CMTR2: variants seen among roughly 807,000 people sequenced by gnomAD.
The protein encoded by CMTR2 is cap-specific mRNA (nucleoside-2'-O-)-methyltransferase 2.
A neutral mutation model predicts 49.8 loss-of-function variants in CMTR2; 40 were observed. The ratio of observed to expected loss-of-function variants is 0.80; its 90% CI spans 0.62 to 1.04. The LOEUF (loss-of-function observed/expected upper bound fraction) is 1.04. CMTR2 is among the 50% of genes least tolerant of loss of function. The probability of loss-of-function intolerance (pLI) is 0.00; values close to 1 mark genes in which losing one functional copy is unlikely to be tolerated. For missense variants in CMTR2, 907 were observed against 897.2 expected, an observed-to-expected ratio of 1.01 and a Z score of -0.14; for synonymous variants, 326 against 315.8, an observed-to-expected ratio of 1.03 and a Z score of -0.34.
In CMTR2 at chr16:71,284,891, T is replaced by A; in HGVS notation, c.1030A>T (p.Lys344Ter). 1 of 1,614,130 alleles carries A rather than the reference T, an allele frequency of 6.2e-7. No individual in the cohort carries two copies. Among genetic ancestry groups the A allele is most frequent in the Non-Finnish European group, 8.5e-7 (1 of 1,179,978 alleles). The change falls in exon 3 of 3, where the codon AAA (lysine) becomes TAA (stop). Residue 344 changes from lysine (K) to a stop codon, truncating the protein, a stop_gained. Transcript: ENST00000434935. LOFTEE classifies it high-confidence loss of function. ...TLNFGTEMKRKALFPHHVIPD... is the reference protein window; with the variant it reads ...TLNFGTEMKR ...ATCACATGATGGGGAAAAAGGGCTT[T>A]CCTTTTCATTTCAGTCCCAAAATTC...
Position 71,285,452 on chromosome 16 carries a change from A to T in CMTR2, c.469T>A (p.Tyr157Asn). The change falls in exon 3 of 3, where the codon TAC (tyrosine) becomes AAC (asparagine). Residue 157 changes from tyrosine to asparagine, a missense_variant. Coordinates refer to ENST00000434935, the MANE Select transcript of CMTR2 (RefSeq NM_018348.6). ...PGAFIASLNH[Y>N]LKSHRFPCHW... ...CAAGGAAACCGATGGGATTTTAAGT[A>T]GTGGTTGAGACTAGCTATAAAAGCT... 2 of 1,614,142 alleles carry T rather than the reference A, an allele frequency of 1.2e-6. No individual in the cohort carries two copies. The highest frequency in any genetic ancestry group is 1.7e-6 in the Non-Finnish European group (2 of 1,179,996).
In CMTR2 at chr16:71,284,695, T is replaced by A; in HGVS notation, c.1226A>T (p.Gln409Leu). 1.2e-6 allele frequency: 2 copies of A among 1,612,852 alleles called. No individual in the cohort carries two copies. The highest frequency in any genetic ancestry group is 1.7e-6 in the Non-Finnish European group (2 of 1,179,492). Reference sequence around the variant, plus strand: ...ATTATTTCTGGAAAGATGTTTCAGTTGAAATTTTTGCATAAAATATTGTAT... The same window carrying A: ...ATTATTTCTGGAAAGATGTTTCAGTAGAAATTTTTGCATAAAATATTGTAT... ...CAIQYFMQKF[Q>L]LKHLSRNNWL... Residue 409 changes from glutamine to leucine, a missense_variant, in exon 3 of 3, where the codon CAA becomes CTA. Transcript: ENST00000434935.
chr16:71,285,247 C>A lies in CMTR2; in HGVS notation c.674G>T (p.Ser225Ile). 1 of 1,613,972 alleles carries A rather than the reference C, an allele frequency of 6.2e-7. No homozygotes were observed. Among genetic ancestry groups the A allele is most frequent in the Non-Finnish European group, 8.5e-7 (1 of 1,179,832 alleles). Reference protein sequence around the residue: ...FLTGLQNFISSMATVHLVTAD... With the variant: ...FLTGLQNFISIMATVHLVTAD... Reference sequence around the variant, plus strand: ...AGTGACCAAGTGAACAGTAGCCATGCTGCTTATGAAATTCTGAAGTCCAGT... The same window carrying A: ...AGTGACCAAGTGAACAGTAGCCATGATGCTTATGAAATTCTGAAGTCCAGT... Residue 225 changes from serine (S) to isoleucine (I), a missense_variant, in exon 3 of 3, where the codon AGC becomes ATC. Ser to Ile is a moderately radical substitution (Grantham distance 142, BLOSUM62 -2). Coordinates refer to ENST00000434935, the MANE Select transcript of CMTR2 (RefSeq NM_018348.6).
chr16:71,285,857 T>A lies in CMTR2; in HGVS notation c.64A>T (p.Ile22Phe). 1 of 1,613,694 alleles carries A rather than the reference T, an allele frequency of 6.2e-7. No homozygotes were observed. Among genetic ancestry groups the A allele is most frequent in the Non-Finnish European group, 8.5e-7 (1 of 1,179,866 alleles). ...AAGAGTTCAAAAATGTCAGCAAGAATATCTGGGCTGAATGACGCGGGACTT... is the reference window on the plus strand; with the variant it reads ...AAGAGTTCAAAAATGTCAGCAAGAAAATCTGGGCTGAATGACGCGGGACTT... ...LASPASFSPD[I>F]LADIFELFAK... Residue 22 changes from isoleucine to phenylalanine, a missense_variant, in exon 3 of 3, where the codon ATT (isoleucine) becomes TTT (phenylalanine). Physicochemically the swap from Ile to Phe is conservative, Grantham distance 21. Transcript: ENST00000434935.
rs573583165 is a variant in CMTR2 at position 71,287,198 on chromosome 16, A to G, written c.-19-1259T>C. On this transcript the variant is annotated intron_variant, in intron 2 of 2. Coordinates refer to ENST00000434935, the MANE Select transcript of CMTR2 (RefSeq NM_018348.6). The stretch of plus-strand genomic sequence containing the variant: ...GGCAATCAAATCATCACTCCAGAAA[A>G]GCAGATGTTCAAGGACAAAATGAGA... 8 of 152,350 alleles carry G rather than the reference A, an allele frequency of 5.3e-5. No individual in the cohort carries two copies. In the South Asian group the frequency reaches 1.7e-3, roughly 32 times the overall value. 9.4% of individuals were successfully genotyped at this position (152,350 alleles called of 1,614,324 possible). A position where few individuals can be genotyped will look rare whatever the true frequency, so the allele number is the denominator to read the frequency against.
rs372970522 is a variant in CMTR2 at position 71,284,575 on chromosome 16, A to G, written c.1346T>C (p.Met449Thr). 1.2e-6 allele frequency: 2 copies of G among 1,613,844 alleles called. No individual in the cohort carries two copies. The highest frequency in any genetic ancestry group is 2.7e-5 in the African/African-American group (2 of 75,018). Residue 449 changes from methionine to threonine, a missense_variant, in exon 3 of 3, where the codon ATG (methionine) becomes ACG (threonine). Physicochemically the swap from Met to Thr is moderately conservative, Grantham distance 81 (BLOSUM62 -1). Coordinates refer to ENST00000434935, the MANE Select transcript of CMTR2 (RefSeq NM_018348.6). ...KYFKTYNERKMLEALSWKDKV... is the reference protein window; with the variant it reads ...KYFKTYNERKTLEALSWKDKV... Reference sequence around the variant, plus strand: ...ATCTTTCCATGAAAGGGCTTCTAGCATCTTCCTTTCATTATAAGTTTTAAA... The same window carrying G: ...ATCTTTCCATGAAAGGGCTTCTAGCGTCTTCCTTTCATTATAAGTTTTAAA...
At position 71,285,325 on chromosome 16, in the gene CMTR2, C is replaced by A; in HGVS notation, c.596G>T (p.Trp199Leu). 1 of 1,614,056 alleles carries A rather than the reference C, an allele frequency of 6.2e-7. No homozygotes were observed. The highest frequency in any genetic ancestry group is 1.3e-5 in the African/African-American group (1 of 75,014). The change falls in exon 3 of 3, where the codon TGG becomes TTG. Residue 199 changes from tryptophan (W) to leucine (L), a missense_variant. Trp to Leu is a moderately conservative substitution (Grantham distance 61). Transcript: ENST00000434935. ...DDRLIANTLH[W>L]WYFGPDNTGD... ...AGTGTTATCTGGACCAAAGTACCAC[C>A]AGTGCAAGGTATTTGCAATAAGCCG...
chr16:71,283,374 A>C lies in CMTR2; in HGVS notation c.*234T>G. 1 of 536,134 alleles carries C rather than the reference A, an allele frequency of 1.9e-6. No homozygotes were observed. Among genetic ancestry groups the C allele is most frequent in the East Asian group, 3.1e-5 (1 of 31,850 alleles). 33.2% of individuals were successfully genotyped at this position (536,134 alleles called of 1,614,324 possible). A position where few individuals can be genotyped will look rare whatever the true frequency, so the allele number is the denominator to read the frequency against. On this transcript the variant is annotated 3_prime_UTR_variant, in exon 3 of 3. Transcript: ENST00000434935. ...ATACACATACACACACCTCATATTT[A>C]GAGTGTGAATATCTATCATTGCATA...
At chr16:71,286,202 T>TAA (rs35977151) in intron 2 of CMTR2, among the ~76,000 whole-genome samples, 168 of 148,452 alleles carry the variant, frequency 1.1e-3, no homozygotes, top group African/African-American at 2.1e-3. Context: ...TTCTTCTCAT[T>TAA]AAAAAAAAAA....
chr16:71,285,068 T>G lies in CMTR2; in HGVS notation c.853A>C (p.Ile285Leu). 6.2e-7 allele frequency: 1 copy of G among 1,614,112 alleles called. No individual in the cohort carries two copies. Among genetic ancestry groups the G allele is most frequent in the South Asian group, 1.1e-5 (1 of 91,058 alleles). Residue 285 changes from isoleucine to leucine, a missense_variant, in exon 3 of 3, where the codon ATA becomes CTA. Physicochemically the swap from Ile to Leu is conservative, Grantham distance 5 (BLOSUM62 2). Coordinates refer to ENST00000434935, the MANE Select transcript of CMTR2 (RefSeq NM_018348.6). ...CAGTTTAGCAGGTACATCAAGTTTA[T>G]GGAACAATGTTCAAACATAGTAAAC... Reference protein sequence around the residue: ...KMFTMFEHCSINLMYLLNCCF... With the variant: ...KMFTMFEHCSLNLMYLLNCCF...
Position 71,285,735 on chromosome 16 carries a change from T to C in CMTR2, c.186A>G (p.Ala62=), listed in dbSNP as rs747893947. 6.2e-7 allele frequency: 1 copy of C among 1,613,556 alleles called. No individual in the cohort carries two copies. ...IFTCDHTELN[A]FLDLKNSLNE... ...TTAGGGAGTTCTTCAAATCAAGAAA[T>C]GCATTAAGTTCAGTGTGGTCACAGG... Residue 62 remains alanine, a synonymous_variant, in exon 3 of 3, where the codon GCA becomes GCG. Coordinates refer to ENST00000434935, the MANE Select transcript of CMTR2 (RefSeq NM_018348.6).
chr16:71,285,258 A>G lies in CMTR2; in HGVS notation c.663T>C (p.Asn221=), dbSNP rs1213656552. 1.2e-6 allele frequency: 2 copies of G among 1,614,016 alleles called. No individual in the cohort carries two copies. The highest frequency in any genetic ancestry group is 2.7e-5 in the African/African-American group (2 of 74,922). Residue 221 remains asparagine, a synonymous_variant, in exon 3 of 3, where the codon AAT becomes AAC. Coordinates refer to ENST00000434935, the MANE Select transcript of CMTR2 (RefSeq NM_018348.6). ...GAACAGTAGCCATGCTGCTTATGAA[A>G]TTCTGAAGTCCAGTCAAGAATTTCA... ...MTLKFLTGLQ[N]FISSMATVHL...
Position 71,283,754 on chromosome 16 carries a change from G to GT in CMTR2, c.2166dup (p.Gln723ThrfsTer10). ...AGGAGTACCTCCATTGGCACAAACT[G>GT]TAAAACCTGCTGGGGTGAGTCAGAG... On this transcript the variant is annotated frameshift_variant, in exon 3 of 3. Coordinates refer to ENST00000434935, the MANE Select transcript of CMTR2 (RefSeq NM_018348.6). LOFTEE classifies it high-confidence loss of function. 1 of 1,613,954 alleles carries GT rather than the reference G, an allele frequency of 6.2e-7. No individual in the cohort carries two copies. Among genetic ancestry groups the GT allele is most frequent in the Non-Finnish European group, 8.5e-7 (1 of 1,179,880 alleles).
Position 71,285,436 on chromosome 16 carries a change from C to T in CMTR2, c.485G>A (p.Arg162Gln), listed in dbSNP as rs199904028. The T allele has an allele frequency of 1.2e-4, 193 of 1,613,930 alleles. No individual in the cohort carries two copies. The highest frequency in any genetic ancestry group is 6.2e-4 in the East Asian group (28 of 44,892). ...TACCCAACTCCAATGACAAGGAAAC[C>T]GATGGGATTTTAAGTAGTGGTTGAG... ...ASLNHYLKSH[R>Q]FPCHWSWVAN... The change falls in exon 3 of 3, where the codon CGG becomes CAG. Residue 162 changes from arginine to glutamine, a missense_variant. Physicochemically the swap from Arg to Gln is conservative, Grantham distance 43. Transcript: ENST00000434935.
chr16:71,288,894 A>C lies in CMTR2; in HGVS notation c.-36T>G, dbSNP rs1204439071. 1 of 152,284 alleles carries C rather than the reference A, an allele frequency of 6.6e-6. No individual in the cohort carries two copies. The highest frequency in any genetic ancestry group is 1.9e-4 in the East Asian group (1 of 5,198). The allele number at this position is 152,284 out of a possible 1,614,324, so 9.4% of individuals were successfully genotyped here. A position where few individuals can be genotyped will look rare whatever the true frequency, so the allele number is the denominator to read the frequency against. ...AGTTTTTACCTCACAGCTGACACTT[A>C]TAAAGGAGTTCCAAGTGCTTCCGCC... On this transcript the variant is annotated 5_prime_UTR_variant, in exon 2 of 3. Coordinates refer to ENST00000434935, the MANE Select transcript of CMTR2 (RefSeq NM_018348.6).
chr16:71,289,646 A>AGGGGAGGGGGAGGGGGCG (rs2041804323), upstream of CMTR2: 1 of 18,882 alleles, frequency 5.3e-5, no homozygotes. Flanking sequence ...AGGGAGGCGA[A>AGGGGAGGGGGAGGGGGCG]GGGGAGGGGG....
rs1296143155 is a variant in CMTR2, at chr16:71,282,847, AAT to A, written c.*759_*760del. On this transcript the variant is annotated 3_prime_UTR_variant, in exon 3 of 3. Coordinates refer to ENST00000434935, the MANE Select transcript of CMTR2 (RefSeq NM_018348.6). ...GTTAAAAATTATTACATCATTGCTA[AAT>A]GAAGCTTTTCACAATACAGGCGTGT... The A allele has an allele frequency of 2.0e-5, 3 of 152,598 alleles. No homozygotes were observed. Among genetic ancestry groups the A allele is most frequent in the Non-Finnish European group, 2.9e-5 (2 of 68,006 alleles). 9.5% of individuals were successfully genotyped at this position (152,598 alleles called of 1,614,324 possible).
In CMTR2 at chr16:71,284,988, G is replaced by A. The variant is rs368217322; in HGVS notation, c.933C>T (p.Ser311=). Residue 311 remains serine, a synonymous_variant, in exon 3 of 3, where the codon TCC becomes TCT. Coordinates refer to ENST00000434935, the MANE Select transcript of CMTR2 (RefSeq NM_018348.6). The part of the protein sequence containing the change: ...FKPATSKAGN[S]EVYVVCLHYK... ...AGTGGAGGCAAACCACATAGACTTC[G>A]GAGTTTCCTGCCTTGCTAGTAGCAG... 9 of 1,614,006 alleles carry A rather than the reference G, an allele frequency of 5.6e-6. No individual in the cohort carries two copies. Among genetic ancestry groups the A allele is most frequent in the Middle Eastern group, 1.6e-4 (1 of 6,062 alleles).
intron 2 of CMTR2, chr16:71,286,944 C>G (rs2144855032): frequency 6.6e-6 from 1 of 152,204 alleles, no homozygotes; most frequent in East Asian, 1.9e-4. Flanking sequence ...AACAAAGAAA[C>G]CTCTTCCTTC....
Sources: gnomAD v4.1 joint callset for allele counts (sites outside exome capture counted in the v4.1 genomes callset) on GRCh38, gnomAD v4.1.1 for gene constraint, MANE v1.5 for transcripts, NCBI Gene and HGNC (gene_info 2026-07-23, HGNC 2026-07-21) for gene names.